The following NKD1 variants were observed in gnomAD, a reference collection of about 807,000 sequenced individuals.
The protein encoded by NKD1 is NKD inhibitor of Wnt signaling pathway 1.
NKD1 carries 21 observed loss-of-function variants against 56.0 expected under a neutral mutation model. The observed-to-expected ratio is 0.38, with a 90% CI of 0.27 to 0.54. NKD1 has a LOEUF of 0.54. NKD1 is among the 20% of genes least tolerant of loss of function. The pLI is 0.82. For synonymous variants in NKD1, 263 were observed against 265.7 expected (o/e 0.99, Z 0.10); for missense variants, 578 against 642.7 (o/e 0.90, Z 1.09).
At position 50,633,141 on chromosome 16, in the gene NKD1, GC is replaced by G; in HGVS notation, c.824-47del. 1 of 1,506,388 alleles carries G rather than the reference GC, an allele frequency of 6.6e-7. No homozygotes were observed. The highest frequency in any genetic ancestry group is 9.0e-7 in the Non-Finnish European group (1 of 1,111,510). The allele number at this position is 1,506,388 out of a possible 1,614,324, so 93.3% of individuals were successfully genotyped here. Reference sequence around the variant, plus strand: ...GGGTGATGTCTGGGGTATAGCGCAAGCCCCAGCACACAGTAGGTGCTCATTA... The same window carrying G: ...GGGTGATGTCTGGGGTATAGCGCAAGCCCAGCACACAGTAGGTGCTCATTA... On this transcript the variant is annotated intron_variant, in intron 9 of 9. Coordinates refer to ENST00000268459, the MANE Select transcript of NKD1 (RefSeq NM_033119.5). This position sits in a 1 kb window ranked among gnomAD's most constrained non-coding sequence, Gnocchi z 4.9.
chr16:50,551,473 C>T (rs564281076), intron 3 of NKD1, among the ~76,000 whole-genome samples: 133 of 152,206 alleles, frequency 8.7e-4, no homozygotes, highest in Non-Finnish European at 1.7e-3. Flanking sequence ...GAGGGTGGGC[C>T]GCAGCCATCA....
chr16:50,569,885 G>T (rs771116218), intron 3 of NKD1, among the ~76,000 whole-genome samples: 2 of 152,172 alleles, frequency 1.3e-5, no homozygotes, highest in Non-Finnish European at 2.9e-5. Context: ...CCGCATAGGT[G>T]GATTTTCAGG....
At position 50,632,353 on chromosome 16, in the gene NKD1, A is replaced by C. The variant is rs769926322; in HGVS notation, c.768A>C (p.Arg256Ser). 1 of 1,614,092 alleles carries C rather than the reference A, an allele frequency of 6.2e-7. No homozygotes were observed. Among genetic ancestry groups the C allele is most frequent in the South Asian group, 1.1e-5 (1 of 91,084 alleles). ...GCGTAGATGAGAACATCGAGAGGAG[A>C]AACCACTACTTAGATCTCGCCGGGA... ...HHCVDENIER[R>S]NHYLDLAGIE... Residue 256 changes from arginine to serine, a missense_variant, in exon 9 of 10, where the codon AGA becomes AGC. Arg to Ser is a moderately radical substitution (Grantham distance 110). Coordinates refer to ENST00000268459, the MANE Select transcript of NKD1 (RefSeq NM_033119.5). The surrounding 1 kb of genome is among the most constrained non-coding windows in gnomAD (Gnocchi z 4.1).
intron 6 of NKD1, among the ~76,000 whole-genome samples, chr16:50,627,553 C>T (rs1368203485): frequency 6.6e-6 from 1 of 152,184 alleles, no homozygotes. Flanking sequence ...AGCCCTGACG[C>T]CACCCCTCAA....
In NKD1 at chr16:50,635,887, G is replaced by A. The variant is rs1221336506; in HGVS notation, c.*2106G>A. 1.3e-5 allele frequency: 2 copies of A among 152,266 alleles called. No homozygotes were observed. The highest frequency in any genetic ancestry group is 1.3e-4 in the Admixed American group (2 of 15,294). 9.4% of individuals were successfully genotyped at this position (152,266 alleles called of 1,614,324 possible). ...ATGAAACCAAGTTGGAAGGCAGGGA[G>A]GGAACTGGCTTTGAGATGACAGGGT... On this transcript the variant is annotated 3_prime_UTR_variant, in exon 10 of 10. Transcript: ENST00000268459. The surrounding 1 kb of genome is among the most constrained non-coding windows in gnomAD (Gnocchi z 4.1).
chr16:50,561,196 C>T (rs1160710066), intron 3 of NKD1, among the ~76,000 whole-genome samples: 2 of 152,098 alleles, frequency 1.3e-5, no homozygotes, highest in African/African-American at 4.8e-5. Context: ...GAGAAGCCAA[C>T]AGCAGCAGCT....
intron 3 of NKD1, among the ~76,000 whole-genome samples, chr16:50,582,473 T>A (rs1358681259): frequency 1.3e-5 from 2 of 152,166 alleles, no homozygotes; most frequent in Non-Finnish European, 2.9e-5. Flanking sequence ...CATCCCTGTG[T>A]ATGTGCAGGG....
At chr16:50,625,216 C>A (rs1351373849) in intron 5 of NKD1, 4 of 519,582 alleles carry the variant, frequency 7.7e-6, no homozygotes, top group Non-Finnish European at 1.4e-5. Context: ...TTCTCAGAAC[C>A]CCCTGTGTTT....
Position 50,634,292 on chromosome 16 carries a change from G to T in NKD1, c.*511G>T, listed in dbSNP as rs148187896. ...GGGATTTCAGTGGACTGCAGAGTGCGAACGTCTTGCTGTTGTGTTTTTATG... is the reference window on the plus strand; with the variant it reads ...GGGATTTCAGTGGACTGCAGAGTGCTAACGTCTTGCTGTTGTGTTTTTATG... On this transcript the variant is annotated 3_prime_UTR_variant, in exon 10 of 10. Transcript: ENST00000268459. 6.5e-6 allele frequency: 1 copy of T among 152,916 alleles called. No individual in the cohort carries two copies. Among genetic ancestry groups the T allele is most frequent in the Non-Finnish European group, 1.5e-5 (1 of 68,166 alleles). The allele number at this position is 152,916 out of a possible 1,614,324, so 9.5% of individuals were successfully genotyped here. A position where few individuals can be genotyped will look rare whatever the true frequency, so the allele number is the denominator to read the frequency against.
intron 3 of NKD1, among the ~76,000 whole-genome samples, chr16:50,590,312 A>T (rs190873172): frequency 2.6e-5 from 4 of 152,270 alleles, no homozygotes; most frequent in African/African-American, 9.6e-5. Flanking sequence ...TCAGATCCTC[A>T]TGTAAGTCTG....
At chr16:50,622,138 C>T (rs1303312829) in intron 5 of NKD1, among the ~76,000 whole-genome samples, 2 of 152,192 alleles carry the variant, frequency 1.3e-5, no homozygotes, top group African/African-American at 2.4e-5. Flanking sequence ...AGGACCCTGA[C>T]GCTCTCTGGG....
intron 4 of NKD1, among the ~76,000 whole-genome samples, chr16:50,618,081 G>A (rs1596747914): frequency 6.6e-6 from 1 of 152,160 alleles, no homozygotes; most frequent in East Asian, 1.9e-4. Flanking sequence ...CTCAGCAAGT[G>A]TAGTTTGCCA....
At position 50,620,877 on chromosome 16, in the gene NKD1, G is replaced by A. The variant is rs1027415989; in HGVS notation, c.260-725G>A. 3.9e-5 allele frequency among the ~76,000 whole-genome samples: 6 copies of A among 152,204 alleles called. No individual in the cohort carries two copies. The South Asian group carries it at 1.0e-3, about 26-fold the overall frequency. On this transcript the variant is annotated intron_variant, in intron 4 of 9. Coordinates refer to ENST00000268459, the MANE Select transcript of NKD1 (RefSeq NM_033119.5). ...ACAGGACCGTGACCTTTGGCAGAGA[G>A]GGGAGGACCTGGGGTGAGCAGAGGC...
intron 6 of NKD1, among the ~76,000 whole-genome samples, chr16:50,626,157 G>A (rs940783576): frequency 2.0e-5 from 3 of 152,158 alleles, no homozygotes; most frequent in Non-Finnish European, 2.9e-5. Context: ...TCTGCAGGCC[G>A]GTCTCTCTCG....
chr16:50,616,687 G>A (rs1961968598), intron 4 of NKD1, among the ~76,000 whole-genome samples: 1 of 152,170 alleles, frequency 6.6e-6, no homozygotes, highest in South Asian at 2.1e-4. Flanking sequence ...GGAGGCTCCT[G>A]TGAAGCAATC....
At chr16:50,579,801 A>G (rs1252270182) in intron 3 of NKD1, among the ~76,000 whole-genome samples, 3 of 152,116 alleles carry the variant, frequency 2.0e-5, no homozygotes, top group Non-Finnish European at 2.9e-5. Flanking sequence ...CCACACATGC[A>G]CTGTCTTACT....
intron 2 of NKD1, 46 bp downstream of exon 2, chr16:50,548,795 A>G (rs113881874): frequency 3.7e-6 from 5 of 1,348,050 alleles, no homozygotes; most frequent in African/African-American, 3.1e-5. Flanking sequence ...CGCGGGGGAC[A>G]CCGCGGCCGC....
rs539486058 is a variant in NKD1, at chr16:50,548,767, G to A, written c.58+18G>A. The A allele has an allele frequency of 6.4e-6, 9 of 1,402,632 alleles. No homozygotes were observed. The East Asian group carries it at 2.1e-4, about 33-fold the overall frequency. The allele number at this position is 1,402,632 out of a possible 1,614,324, so 86.9% of individuals were successfully genotyped here. A position where few individuals can be genotyped will look rare whatever the true frequency, so the allele number is the denominator to read the frequency against. ...CCCGGAAGGTAGGGGCGCGCGGGGC[G>A]CAGACCTCGGGGATGGACGCGGGGG... On this transcript the variant is annotated intron_variant, in intron 2 of 9. Transcript: ENST00000268459.
At position 50,549,452 on chromosome 16, in the gene NKD1, C is replaced by G; in HGVS notation, c.89C>G (p.Ala30Gly). Residue 30 changes from alanine (A) to glycine (G), a missense_variant, in exon 3 of 10, where the codon GCT (alanine) becomes GGT (glycine). Physicochemically the swap from Ala to Gly is moderately conservative, Grantham distance 60. Transcript: ENST00000268459. ...GDSFAVSAAWARKGIEEWIGR... is the reference protein window; with the variant it reads ...GDSFAVSAAWGRKGIEEWIGR... ...AGCTTCGCCGTGAGCGCTGCCTGGG[C>G]TCGGAAGGGCATCGAGGAGTGGATC... 6.2e-7 allele frequency: 1 copy of G among 1,611,388 alleles called. No homozygotes were observed. The highest frequency in any genetic ancestry group is 8.5e-7 in the Non-Finnish European group (1 of 1,178,984).
Sources: allele counts gnomAD v4.1 joint callset (sites outside exome capture counted in the v4.1 genomes callset), GRCh38; gene constraint gnomAD v4.1.1; non-coding constraint Gnocchi (gnomAD v3.1); transcripts MANE v1.5; gene names NCBI Gene and HGNC (gene_info 2026-07-23, HGNC 2026-07-21).